TRIOBP: variants seen among roughly 807,000 people sequenced by gnomAD.
The protein encoded by TRIOBP is TRIO and F-actin binding protein.
In TRIOBP, 169 loss-of-function variants were observed where a neutral mutation model predicts 238.8. The ratio of observed to expected loss-of-function variants is 0.71; its 90% CI spans 0.62 to 0.80. TRIOBP has a LOEUF of 0.80. Ranked by LOEUF, TRIOBP falls within the 30% of genes least tolerant of loss-of-function variation. TRIOBP has a pLI of 0.00. For missense variants in TRIOBP, 2,838 were observed against 3,122.6 expected, an observed-to-expected ratio of 0.91 and a Z score of 2.17; for synonymous variants, 1,150 against 1,274.4, an observed-to-expected ratio of 0.90 and a Z score of 2.08.
rs758687290 is a variant in TRIOBP at position 37,725,204 on chromosome 22, C to T, written c.2648C>T (p.Pro883Leu). ...AAGGAGAATCTGAGACCATCATCTC[C>T]CCACCGCTCCACTCAATGGAACAAT... ...TQKENLRPSSPHRSTQWNNPR... is the reference protein window; with the variant it reads ...TQKENLRPSSLHRSTQWNNPR... The change falls in exon 7 of 24, where the codon CCC (proline) becomes CTC (leucine). Residue 883 changes from proline to leucine, a missense_variant. Around this residue, in one of 5 missense-constraint regions of TRIOBP, gnomAD observed 2,096 missense variants for 2,137.4 expected, o/e 0.98. Transcript: ENST00000644935. The T allele has an allele frequency of 6.2e-7, 1 of 1,614,040 alleles. No homozygotes were observed. The highest frequency in any genetic ancestry group is 1.1e-5 in the South Asian group (1 of 91,086).
chr22:37,744,084 C>T (rs1278124500), intron 11 of TRIOBP, among the ~76,000 whole-genome samples: 1 of 150,478 alleles, frequency 6.6e-6, no homozygotes, highest in East Asian at 2.0e-4. Context: ...TCTTCACTCA[C>T]CGCAACCTAC....
Position 37,774,429 on chromosome 22 carries a change from G to T in TRIOBP, c.*649G>T, listed in dbSNP as rs948085895. 6.6e-6 allele frequency: 1 copy of T among 152,292 alleles called. No individual in the cohort carries two copies. The highest frequency in any genetic ancestry group is 3.2e-3 in the Middle Eastern group (1 of 316). The allele number at this position is 152,292 out of a possible 1,614,324, so 9.4% of individuals were successfully genotyped here. A position where few individuals can be genotyped will look rare whatever the true frequency, so the allele number is the denominator to read the frequency against. On this transcript the variant is annotated 3_prime_UTR_variant, in exon 24 of 24. Coordinates refer to ENST00000644935, the MANE Select transcript of TRIOBP (RefSeq NM_001039141.3). Reference sequence around the variant, plus strand: ...ACAGCCTCCTTCGAGGCTGTGCTGGGTGCAGAACCGCCAGAGCCACCCAAA... The same window carrying T: ...ACAGCCTCCTTCGAGGCTGTGCTGGTTGCAGAACCGCCAGAGCCACCCAAA...
chr22:37,750,823 C>T, intron 11 of TRIOBP: 1 of 448,332 alleles, frequency 2.2e-6, no homozygotes, highest in South Asian at 1.6e-5. Context: ...TTTCCAGCTG[C>T]CACTGTCACC....
chr22:37,710,476 G>A lies in TRIOBP; in HGVS notation c.164G>A (p.Arg55Gln), dbSNP rs751912227. The A allele has an allele frequency of 2.9e-5, 47 of 1,613,168 alleles. No homozygotes were observed. The highest frequency in any genetic ancestry group is 3.9e-5 in the Non-Finnish European group (46 of 1,179,968). Reference sequence around the variant, plus strand: ...GAGGTGCCCTACTGCGACCTGCCTCGATGTCCACCTGCCCCTGAGGACCCA... The same window carrying A: ...GAGGTGCCCTACTGCGACCTGCCTCAATGTCCACCTGCCCCTGAGGACCCA... ...GAEVPYCDLP[R>Q]CPPAPEDPLS... Residue 55 changes from arginine to glutamine, a missense_variant, in exon 4 of 24, where the codon CGA (arginine) becomes CAA (glutamine). Arg to Gln is a conservative substitution (Grantham distance 43). Around this residue, in one of 5 missense-constraint regions of TRIOBP, gnomAD observed 535 missense variants for 537.3 expected, o/e 1.00. Coordinates refer to ENST00000644935, the MANE Select transcript of TRIOBP (RefSeq NM_001039141.3).
At chr22:37,762,278 C>T (rs1926283913) in intron 17 of TRIOBP, among the ~76,000 whole-genome samples, 1 of 152,156 alleles carries the variant, frequency 6.6e-6, no homozygotes, top group South Asian at 2.1e-4. Context: ...GTTCCCTGGG[C>T]TGGTCTTGAA....
chr22:37,744,711 G>A lies in TRIOBP; in HGVS notation c.5322+3679G>A, dbSNP rs79362907. 5.4e-3 allele frequency among the ~76,000 whole-genome samples: 824 copies of A among 152,168 alleles called. 6 individuals carry two copies. The highest frequency in any genetic ancestry group is 0.018 in the African/African-American group (742 of 41,498). ...AGGGTAGGGTGAGAAAACTCAGCCC[G>A]GGGTGCCAGAAGGCCAGTTTCTAGA... On this transcript the variant is annotated intron_variant, in intron 11 of 23. Transcript: ENST00000644935.
At chr22:37,714,132 G>A (rs1298578353) in intron 5 of TRIOBP, among the ~76,000 whole-genome samples, 2 of 152,160 alleles carry the variant, frequency 1.3e-5, no homozygotes, top group Non-Finnish European at 2.9e-5. Flanking sequence ...TCAGCGGGGG[G>A]AGCAACTTAG....
intron 10 of TRIOBP, among the ~76,000 whole-genome samples, chr22:37,739,379 TCCTC>T (rs1267229765): frequency 6.6e-6 from 1 of 152,130 alleles, no homozygotes; most frequent in African/African-American, 2.4e-5. Flanking sequence ...GTCCTGCTCT[TCCTC>T]CCGTTGCCTC....
At chr22:37,716,686 T>C (rs1444116414) in intron 6 of TRIOBP, among the ~76,000 whole-genome samples, 1 of 152,240 alleles carries the variant, frequency 6.6e-6, no homozygotes, top group Non-Finnish European at 1.5e-5. Flanking sequence ...TGAGCCACTA[T>C]GCCTGGCCTT....
intron 3 of TRIOBP, among the ~76,000 whole-genome samples, chr22:37,701,801 A>G (rs1922661851): frequency 6.6e-6 from 1 of 152,264 alleles, no homozygotes; most frequent in African/African-American, 2.4e-5. Context: ...GTAGAAAACT[A>G]GAATTACTTC....
At chr22:37,756,785 G>C (rs1026389499) in intron 15 of TRIOBP, among the ~76,000 whole-genome samples, 1 of 151,940 alleles carries the variant, frequency 6.6e-6, no homozygotes, top group South Asian at 2.1e-4. Flanking sequence ...CACGTACCCA[G>C]CTATGACTGT....
Position 37,759,499 on chromosome 22 carries a change from C to T in TRIOBP, c.6324+235C>T, listed in dbSNP as rs146823511. The T allele has an allele frequency of 1.4e-4, 226 of 1,606,884 alleles. 1 individual carries two copies. The highest frequency in any genetic ancestry group is 1.3e-3 in the African/African-American group (99 of 74,988). On this transcript the variant is annotated intron_variant, in intron 17 of 23. Transcript: ENST00000644935. ...TTATGTGACTTGCCCAAGGTCACCC[C>T]GCCTGCAGGTCTCAAAGGTGGGATT...
At position 37,725,708 on chromosome 22, in the gene TRIOBP, C is replaced by T. The variant is rs1924106161; in HGVS notation, c.3152C>T (p.Pro1051Leu). 2.5e-6 allele frequency: 4 copies of T among 1,613,204 alleles called. No individual in the cohort carries two copies. The highest frequency in any genetic ancestry group is 3.4e-6 in the Non-Finnish European group (4 of 1,179,816). The change falls in exon 7 of 24, where the codon CCG becomes CTG. Residue 1051 changes from proline to leucine, a missense_variant. Coordinates refer to ENST00000644935, the MANE Select transcript of TRIOBP (RefSeq NM_001039141.3). ...GAGCCCCGCGCCCCTGAGAGTGAACCGCCCCACCACGAGCCTCCCTATATA... is the reference window on the plus strand; with the variant it reads ...GAGCCCCGCGCCCCTGAGAGTGAACTGCCCCACCACGAGCCTCCCTATATA... ...FPEPRAPESE[P>L]PHHEPPYIPP...
chr22:37,742,256 CG>C (rs1295805263), intron 11 of TRIOBP, among the ~76,000 whole-genome samples: 3 of 92,840 alleles, frequency 3.2e-5, no homozygotes, highest in East Asian at 6.2e-4. Context: ...CCACGCCAGG[CG>C]TTTTTTTTTT....
At chr22:37,749,369 C>G (rs1435596344) in intron 11 of TRIOBP, among the ~76,000 whole-genome samples, 3 of 152,074 alleles carry the variant, frequency 2.0e-5, no homozygotes, top group Admixed American at 2.0e-4. Flanking sequence ...AGCAAGCCAC[C>G]TGGAGCCGTC....
At chr22:37,699,139 G>T (rs1402617790) in intron 2 of TRIOBP, among the ~76,000 whole-genome samples, 1 of 152,146 alleles carries the variant, frequency 6.6e-6, no homozygotes, top group African/African-American at 2.4e-5. Flanking sequence ...GACAGAGAGA[G>T]ACTTCGTCTC....
At chr22:37,719,125 C>T (rs551901144) in intron 6 of TRIOBP, among the ~76,000 whole-genome samples, 2 of 148,572 alleles carry the variant, frequency 1.3e-5, no homozygotes, top group South Asian at 2.3e-4. Flanking sequence ...ATCGCTTGAA[C>T]TTGGGAGGTG....
In TRIOBP at chr22:37,757,840, A is replaced by G; in HGVS notation, c.5915A>G (p.Gln1972Arg). Residue 1972 changes from glutamine to arginine, a missense_variant, in exon 16 of 24, where the codon CAG (glutamine) becomes CGG (arginine). By Grantham distance (43) the Gln-to-Arg change is conservative. Coordinates refer to ENST00000644935, the MANE Select transcript of TRIOBP (RefSeq NM_001039141.3). The stretch of plus-strand genomic sequence containing the variant: ...CGCACTCCTGACCGCCTGGCCAAGC[A>G]GGAGGAGCTGGAGCGGGACCTGGCC... ...PARTPDRLAKQEELERDLAQR... is the reference protein window; with the variant it reads ...PARTPDRLAKREELERDLAQR... 1 of 1,550,816 alleles carries G rather than the reference A, an allele frequency of 6.4e-7. No individual in the cohort carries two copies.
Position 37,743,870 on chromosome 22 carries a change from GGTGTGT to G in TRIOBP, c.5322+2852_5322+2857del, listed in dbSNP as rs10584080. Among the ~76,000 whole-genome samples, 120 of 143,226 alleles carry G rather than the reference GGTGTGT, an allele frequency of 8.4e-4. 1 individual carries two copies. Among genetic ancestry groups the G allele is most frequent in the Admixed American group, 2.8e-3 (40 of 14,216 alleles). 94.0% of individuals were successfully genotyped at this position (143,226 alleles called of 152,430 possible). A position where few individuals can be genotyped will look rare whatever the true frequency, so the allele number is the denominator to read the frequency against. ...GCTGGGTGTGTGTGAGTGTGTGCTGGGTGTGTGTGTGTGTGTGTGCTGGGGTACAGA... is the reference window on the plus strand; with the variant it reads ...GCTGGGTGTGTGTGAGTGTGTGCTGGGTGTGTGTGTGTGCTGGGGTACAGA... On this transcript the variant is annotated intron_variant, in intron 11 of 23. Transcript: ENST00000644935.
Sources: allele counts gnomAD v4.1 joint callset (sites outside exome capture counted in the v4.1 genomes callset), GRCh38; gene constraint gnomAD v4.1.1; regional missense constraint gnomAD v4.1.1; transcripts MANE v1.5; gene names NCBI Gene and HGNC (gene_info 2026-07-23, HGNC 2026-07-21).